The following PCDHA5 variants were observed in gnomAD, a reference collection of about 807,000 sequenced individuals.
The protein encoded by PCDHA5 is protocadherin alpha-5.
PCDHA5 carries 43 observed loss-of-function variants against 61.6 expected under a neutral mutation model. The ratio of observed to expected loss-of-function variants is 0.70; its 90% CI spans 0.55 to 0.90. The LOEUF (loss-of-function observed/expected upper bound fraction) is 0.90. Ranked by LOEUF, PCDHA5 falls within the 40% of genes least tolerant of loss-of-function variation. PCDHA5 has a pLI of 0.00. For missense variants in PCDHA5, 1,298 were observed against 1,222.7 expected, an observed-to-expected ratio of 1.06 and a Z score of -0.92; for synonymous variants, 627 against 543.9, an observed-to-expected ratio of 1.15 and a Z score of -2.13.
At chr5:141,006,390 T>G (rs539931677) in intron 3 of PCDHA5, among the ~76,000 whole-genome samples, 149 of 152,058 alleles carry the variant, frequency 9.8e-4, no homozygotes, top group African/African-American at 3.0e-3. Context: ...TTTTTTCTAT[T>G]TTTTAGTAGA....
intron 1 of PCDHA5, chr5:140,852,742 T>G (rs1190690172): frequency 1.0e-6 from 1 of 984,108 alleles, no homozygotes; most frequent in African/African-American, 1.8e-5. Context: ...ATGTGCCATT[T>G]AAACTTGGAC....
chr5:140,894,670 C>T (rs971891585), intron 1 of PCDHA5, among the ~76,000 whole-genome samples: 2 of 151,580 alleles, frequency 1.3e-5, no homozygotes, highest in African/African-American at 4.8e-5. Flanking sequence ...TTTGTGTATT[C>T]TTGCATAGCT....
intron 1 of PCDHA5, among the ~76,000 whole-genome samples, chr5:140,881,751 A>G (rs974973794): frequency 6.6e-6 from 1 of 152,206 alleles, no homozygotes; most frequent in Non-Finnish European, 1.5e-5. Flanking sequence ...GGACAGTACC[A>G]CAAAAACCTA....
chr5:140,850,958 A>C (rs2150503998), intron 1 of PCDHA5: 1 of 1,481,832 alleles, frequency 6.7e-7, no homozygotes, highest in Admixed American at 2.4e-5. Context: ...GATTACTCCC[A>C]GGGGCCGTTC....
At chr5:140,947,635 G>T (rs1170525936) in intron 1 of PCDHA5, among the ~76,000 whole-genome samples, 1 of 151,538 alleles carries the variant, frequency 6.6e-6, no homozygotes, top group Non-Finnish European at 1.5e-5. Flanking sequence ...TCATCAGATC[G>T]TATGAACATA....
intron 1 of PCDHA5, chr5:140,858,619 C>T: frequency 8.6e-7 from 1 of 1,161,702 alleles, no homozygotes; most frequent in Non-Finnish European, 1.2e-6. Context: ...TTTATCCTAC[C>T]CAGTGTGTCA....
At chr5:140,928,652 A>T in intron 1 of PCDHA5, 1 of 1,614,188 alleles carries the variant, frequency 6.2e-7, no homozygotes, top group Non-Finnish European at 8.5e-7. Context: ...GTAGCAGAGG[A>T]TGCTGACAGT....
At chr5:140,861,124 A>G (rs1426704260) in intron 1 of PCDHA5, 4 of 153,324 alleles carry the variant, frequency 2.6e-5, no homozygotes, top group African/African-American at 9.6e-5. Flanking sequence ...AACACCCATT[A>G]AGACCACTTG....
At chr5:140,911,312 T>C (rs2075424091) in intron 1 of PCDHA5, among the ~76,000 whole-genome samples, 1 of 152,154 alleles carries the variant, frequency 6.6e-6, no homozygotes, top group African/African-American at 2.4e-5. Context: ...CCATTCCAAG[T>C]TTCAGGATCC....
chr5:140,908,756 C>A (rs2074138062), intron 1 of PCDHA5, among the ~76,000 whole-genome samples: 1 of 152,106 alleles, frequency 6.6e-6, no homozygotes, highest in Non-Finnish European at 1.5e-5. Flanking sequence ...TTGCACACAG[C>A]CTGGACGTGT....
chr5:140,984,086 A>C (rs187283969), intron 3 of PCDHA5, among the ~76,000 whole-genome samples: 1 of 152,356 alleles, frequency 6.6e-6, no homozygotes, highest in Admixed American at 6.5e-5. Flanking sequence ...GGAGTGAAGA[A>C]ATGATGGAGG....
intron 1 of PCDHA5, among the ~76,000 whole-genome samples, chr5:140,895,524 G>A (rs891938988): frequency 2.3e-4 from 35 of 152,128 alleles, no homozygotes; most frequent in African/African-American, 7.2e-4. Context: ...TGGTTTATTC[G>A]TTTTTCAATT....
rs1013385082 is a variant in PCDHA5 at position 140,821,701 on chromosome 5, T to C, written c.-75T>C. ...AGGCGATAATATAAAAAATATATAG[T>C]TAATTGGGAATTGAATTTACAAAAT... On this transcript the variant is annotated 5_prime_UTR_variant, in exon 1 of 4. Coordinates refer to ENST00000529859, the MANE Select transcript of PCDHA5 (RefSeq NM_018908.3). 1.6e-5 allele frequency: 23 copies of C among 1,421,100 alleles called. No homozygotes were observed. The African/African-American group carries it at 3.2e-4, about 20-fold the overall frequency. 88.0% of individuals were successfully genotyped at this position (1,421,100 alleles called of 1,614,324 possible). A position where few individuals can be genotyped will look rare whatever the true frequency, so the allele number is the denominator to read the frequency against.
chr5:140,870,346 G>C (rs782365260), intron 1 of PCDHA5: 2 of 1,614,236 alleles, frequency 1.2e-6, no homozygotes, highest in Non-Finnish European at 1.7e-6. Context: ...CCTGGACCGC[G>C]AGAACGTGTG....
Position 140,836,106 on chromosome 5 carries a change from G to A in PCDHA5, c.2352+11979G>A. Reference sequence around the variant, plus strand: ...GGCGCCTCGGGTGGGTGGCACTGGTGGCGCAGTGAGAGAGCTTGTGCCGCG... The same window carrying A: ...GGCGCCTCGGGTGGGTGGCACTGGTAGCGCAGTGAGAGAGCTTGTGCCGCG... On this transcript the variant is annotated intron_variant, in intron 1 of 3. Coordinates refer to ENST00000529859, the MANE Select transcript of PCDHA5 (RefSeq NM_018908.3). The A allele has an allele frequency of 6.2e-7, 1 of 1,613,738 alleles. No individual in the cohort carries two copies. The highest frequency in any genetic ancestry group is 8.5e-7 in the Non-Finnish European group (1 of 1,179,782).
chr5:140,894,446 T>A (rs981858089), intron 1 of PCDHA5, among the ~76,000 whole-genome samples: 18 of 152,000 alleles, frequency 1.2e-4, no homozygotes, highest in African/African-American at 3.4e-4. Context: ...AGCTCTTTTT[T>A]AAAAAATATT....
intron 1 of PCDHA5, 191 bp downstream of exon 1, chr5:140,824,318 C>T (rs147635859): frequency 2.7e-6 from 2 of 727,886 alleles, no homozygotes; most frequent in Admixed American, 5.5e-5. Context: ...GATTCATCAG[C>T]TTTCTGTGAT....
At position 140,849,621 on chromosome 5, in the gene PCDHA5, G is replaced by A. The variant is rs2150442688; in HGVS notation, c.2352+25494G>A. The stretch of plus-strand genomic sequence containing the variant: ...AGTTATTGCCCTGATTAGTGTGATC[G>A]ACCTAGACGCAGATGCCAACGGGCA... On this transcript the variant is annotated intron_variant, in intron 1 of 3. Transcript: ENST00000529859. The A allele has an allele frequency of 1.9e-6, 3 of 1,598,666 alleles. 1 individual carries two copies. The highest frequency in any genetic ancestry group is 2.2e-5 in the East Asian group (1 of 44,846).
intron 1 of PCDHA5, chr5:140,865,531 T>A (rs562505947): frequency 4.6e-5 from 7 of 152,326 alleles, no homozygotes; most frequent in African/African-American, 1.7e-4. Flanking sequence ...ATTCTCTTCA[T>A]CCATAGCTAT....
Sources: gnomAD v4.1 joint callset for allele counts (sites outside exome capture counted in the v4.1 genomes callset) on GRCh38, gnomAD v4.1.1 for gene constraint, MANE v1.5 for transcripts, NCBI Gene and HGNC (gene_info 2026-07-23, HGNC 2026-07-21) for gene names.